KIF13B: variants seen among roughly 807,000 people sequenced by gnomAD.
The protein encoded by KIF13B is kinesin-like protein KIF13B.
Under a neutral mutation model 222.0 loss-of-function variants are expected in KIF13B, and 127 were observed. The observed-to-expected ratio is 0.57, with a 90% CI of 0.50 to 0.66. The LOEUF is 0.66. Ranked by LOEUF, KIF13B falls within the 30% of genes least tolerant of loss-of-function variation. The pLI is 0.00. For missense variants in KIF13B, 2,173 were observed against 2,379.0 expected (o/e 0.91, Z 1.80); for synonymous variants, 976 against 919.0 (o/e 1.06, Z -1.12).
At chr8:29,262,759 CGACGGCGCCAGG>C (rs1816730325) in intron 1 of KIF13B, among the ~76,000 whole-genome samples, 1 of 145,902 alleles carries the variant, frequency 6.9e-6, no homozygotes, top group South Asian at 2.2e-4. Context: ...ACGAGGGGCC[CGACGGCGCCAGG>C]GACGGGGCTG....
chr8:29,231,911 T>G (rs1008709793), intron 2 of KIF13B, among the ~76,000 whole-genome samples: 9 of 152,130 alleles, frequency 5.9e-5, no homozygotes, highest in African/African-American at 2.2e-4. Context: ...CCTGTAAGAT[T>G]CCAGCTACAT....
chr8:29,230,338 T>G (rs1815228967), intron 2 of KIF13B, among the ~76,000 whole-genome samples: 1 of 152,220 alleles, frequency 6.6e-6, no homozygotes, highest in Admixed American at 6.5e-5. Context: ...GCTTTGCTAC[T>G]GCTTACGGGG....
chr8:29,125,777 T>C (rs541227993), intron 26 of KIF13B, among the ~76,000 whole-genome samples: 5 of 150,380 alleles, frequency 3.3e-5, no homozygotes, highest in African/African-American at 9.7e-5. Flanking sequence ...AAATGCTGTA[T>C]GATTCCAGGA....
chr8:29,180,595 A>ATTATAC (rs1279699232), intron 7 of KIF13B, among the ~76,000 whole-genome samples: 1 of 152,238 alleles, frequency 6.6e-6, no homozygotes, highest in Non-Finnish European at 1.5e-5. Context: ...ATTTATTGTT[A>ATTATAC]AATTAGATTA....
rs767663685 is a variant in KIF13B, at chr8:29,167,553, C to T, written c.978G>A (p.Met326Ile). The T allele has an allele frequency of 5.0e-6, 8 of 1,614,022 alleles. No individual in the cohort carries two copies. The Admixed American group carries it at 1.3e-4, about 27-fold the overall frequency. The change falls in exon 11 of 40, where the codon ATG becomes ATA. Residue 326 changes from methionine (M) to isoleucine (I), a missense_variant. This residue lies in a region of KIF13B where 1,480 missense variants were observed against 1,722.8 expected (regional missense o/e 0.86). Coordinates refer to ENST00000524189, the MANE Select transcript of KIF13B (RefSeq NM_015254.4). ...DSLGGNSKTA[M>I]VATVSPAADN... The stretch of plus-strand genomic sequence containing the variant: ...CAGCTGCAGGACTCACAGTAGCCAC[C>T]ATGGCGGTCTTGCTGTTACCCCCGA...
At chr8:29,179,097 C>T (rs1036570351) in intron 8 of KIF13B, among the ~76,000 whole-genome samples, 1 of 151,804 alleles carries the variant, frequency 6.6e-6, no homozygotes, top group Non-Finnish European at 1.5e-5. Context: ...GAAGGCAACA[C>T]TGCAAAAGAA....
intron 10 of KIF13B, among the ~76,000 whole-genome samples, chr8:29,170,964 G>A (rs1201225545): frequency 7.7e-6 from 1 of 130,158 alleles, no homozygotes; most frequent in Non-Finnish European, 1.5e-5. Context: ...CCTATAGACA[G>A]TTACTGAAAA....
At chr8:29,229,906 A>G (rs569617239) in intron 2 of KIF13B, among the ~76,000 whole-genome samples, 1 of 152,372 alleles carries the variant, frequency 6.6e-6, no homozygotes, top group Middle Eastern at 3.4e-3. Context: ...AACCCAGTTA[A>G]TATTTATTGA....
At chr8:29,256,598 T>C (rs1816486712) in intron 1 of KIF13B, among the ~76,000 whole-genome samples, 1 of 152,232 alleles carries the variant, frequency 6.6e-6, no homozygotes, top group African/African-American at 2.4e-5. Flanking sequence ...CTGCACATCT[T>C]TGAAAATGGT....
intron 2 of KIF13B, among the ~76,000 whole-genome samples, chr8:29,211,702 G>A (rs9657276): frequency 0.015 from 2,330 of 152,316 alleles, 55 homozygotes; most frequent in African/African-American, 0.053. Context: ...AATTCCCAGA[G>A]CTTGCACGGG....
intron 26 of KIF13B, among the ~76,000 whole-genome samples, chr8:29,124,664 A>T (rs1810029574): frequency 6.6e-6 from 1 of 152,084 alleles, no homozygotes; most frequent in East Asian, 1.9e-4. Context: ...CAGGCAGATA[A>T]CCTGAGGTCA....
chr8:29,254,395 A>G (rs1816395468), intron 1 of KIF13B, among the ~76,000 whole-genome samples: 1 of 152,246 alleles, frequency 6.6e-6, no homozygotes, highest in Non-Finnish European at 1.5e-5. Context: ...ATAAAATCAA[A>G]ATATTTGCAA....
chr8:29,099,451 T>C (rs532997054), intron 35 of KIF13B, among the ~76,000 whole-genome samples: 2 of 152,248 alleles, frequency 1.3e-5, no homozygotes, highest in East Asian at 3.9e-4. Context: ...TCATAGCGCA[T>C]GTAACCTCTA....
intron 37 of KIF13B, among the ~76,000 whole-genome samples, chr8:29,090,688 TTA>T (rs1808258126): frequency 6.6e-6 from 1 of 152,166 alleles, no homozygotes; most frequent in African/African-American, 2.4e-5. Context: ...AGTTTTAGAT[TTA>T]TATACTTTAT....
chr8:29,206,657 T>C (rs1813956316), intron 2 of KIF13B, among the ~76,000 whole-genome samples: 1 of 152,174 alleles, frequency 6.6e-6, no homozygotes, highest in Non-Finnish European at 1.5e-5. Context: ...CAGCAAATAT[T>C]TACAGTCTGC....
rs752941943 is a variant in KIF13B, at chr8:29,109,994, G to A, written c.4007C>T (p.Ser1336Leu). 8 of 1,608,640 alleles carry A rather than the reference G, an allele frequency of 5.0e-6. No homozygotes were observed. The highest frequency in any genetic ancestry group is 4.5e-5 in the East Asian group (2 of 44,760). ...ANVENPASAD[S>L]EAYIEKYLRS... ...GAGGTACTTTTCAATATAAGCCTCC[G>A]AGTCAGCAGAAGCTGGGTTTTCAAC... Residue 1336 changes from serine to leucine, a missense_variant, in exon 33 of 40, where the codon TCG (serine) becomes TTG (leucine). Ser to Leu is a moderately radical substitution (Grantham distance 145, BLOSUM62 -2). This residue lies in a region of KIF13B where 1,480 missense variants were observed against 1,722.8 expected (regional missense o/e 0.86). Transcript: ENST00000524189.
At position 29,123,595 on chromosome 8, in the gene KIF13B, A is replaced by G. The variant is rs755966554; in HGVS notation, c.3353-103T>C. ...TTGCCTATATTTCAATTATTAGCTCACAAGTGCTCCCCAGTGATAAAAACT... is the reference window on the plus strand; with the variant it reads ...TTGCCTATATTTCAATTATTAGCTCGCAAGTGCTCCCCAGTGATAAAAACT... On this transcript the variant is annotated intron_variant, in intron 27 of 39. Transcript: ENST00000524189. 4 of 1,447,028 alleles carry G rather than the reference A, an allele frequency of 2.8e-6. No individual in the cohort carries two copies. The Admixed American group carries it at 6.9e-5, about 25-fold the overall frequency. 89.6% of individuals were successfully genotyped at this position (1,447,028 alleles called of 1,614,324 possible).
At chr8:29,132,276 T>C in intron 23 of KIF13B, 32 bp downstream of exon 23, 1 of 1,389,774 alleles carries the variant, frequency 7.2e-7, no homozygotes. Flanking sequence ...TACATATATA[T>C]AAATGGAATC....
Position 29,071,735 on chromosome 8 carries a change from G to A in KIF13B, c.5103C>T (p.Leu1701=), listed in dbSNP as rs1327278604. ...SEEADEVPEW[L]REGEFVTVGA... ...CCACGGTGACGAACTCGCCCTCTCG[G>A]AGCCACTCCGGGACCTCGTCAGCTT... Residue 1701 remains leucine, a synonymous_variant, in exon 39 of 40, where the codon CTC becomes CTT. Transcript: ENST00000524189. This position sits in a 1 kb window ranked among gnomAD's most constrained non-coding sequence, Gnocchi z 4.9. 1 of 1,549,956 alleles carries A rather than the reference G, an allele frequency of 6.5e-7. No homozygotes were observed. The highest frequency in any genetic ancestry group is 2.0e-5 in the Admixed American group (1 of 51,006).
Sources: allele counts gnomAD v4.1 joint callset (sites outside exome capture counted in the v4.1 genomes callset), GRCh38; gene constraint gnomAD v4.1.1; regional missense constraint gnomAD v4.1.1; non-coding constraint Gnocchi (gnomAD v3.1); transcripts MANE v1.5; gene names NCBI Gene and HGNC (gene_info 2026-07-23, HGNC 2026-07-21).